HS3ST3B1: variants seen among roughly 807,000 people sequenced by gnomAD.
HS3ST3B1 encodes the protein heparan sulfate-glucosamine 3-sulfotransferase 3B1.
HS3ST3B1 carries 13 observed loss-of-function variants against 21.3 expected under a neutral mutation model. The ratio of observed to expected loss-of-function variants is 0.61; its 90% CI spans 0.40 to 0.97. HS3ST3B1 has a LOEUF of 0.97. Among genes scored for constraint, HS3ST3B1 ranks in the 50% least tolerant of loss-of-function variants. HS3ST3B1 has a pLI of 0.00. For missense variants in HS3ST3B1, 459 were observed against 554.8 expected (o/e 0.83, Z 1.73); for synonymous variants, 234 against 254.8 (o/e 0.92, Z 0.78).
At chr17:14,330,437 C>T (rs2142343846) in intron 1 of HS3ST3B1, among the ~76,000 whole-genome samples, 1 of 152,210 alleles carries the variant, frequency 6.6e-6, no homozygotes, top group African/African-American at 2.4e-5. Flanking sequence ...TACCTGTTGT[C>T]TGTGGCAGGG....
chr17:14,334,156 A>G (rs1283819314), intron 1 of HS3ST3B1, among the ~76,000 whole-genome samples: 1 of 152,218 alleles, frequency 6.6e-6, no homozygotes, highest in Non-Finnish European at 1.5e-5. Flanking sequence ...AAAATGGGAC[A>G]TTGCAGAGGC....
At chr17:14,313,427 T>C (rs1909395525) in intron 1 of HS3ST3B1, among the ~76,000 whole-genome samples, 1 of 152,074 alleles carries the variant, frequency 6.6e-6, no homozygotes, top group African/African-American at 2.4e-5. Context: ...GGACCTCCTC[T>C]TGCTCGAAGC....
At chr17:14,315,649 C>G (rs1220304804) in intron 1 of HS3ST3B1, among the ~76,000 whole-genome samples, 3 of 151,886 alleles carry the variant, frequency 2.0e-5, no homozygotes, top group Admixed American at 6.6e-5. Context: ...GTGGTGAAAC[C>G]CTGTTTCTGC....
chr17:14,307,912 G>T (rs1021825774), intron 1 of HS3ST3B1, among the ~76,000 whole-genome samples: 1 of 152,150 alleles, frequency 6.6e-6, no homozygotes, highest in African/African-American at 2.4e-5. Flanking sequence ...AGGCTGTTGG[G>T]ATAGTCAGGA....
chr17:14,314,049 G>A (rs951192955), intron 1 of HS3ST3B1, among the ~76,000 whole-genome samples: 9 of 149,404 alleles, frequency 6.0e-5, no homozygotes, highest in East Asian at 2.0e-4. Flanking sequence ...GCACGATCTC[G>A]GCTCACCGCA....
In HS3ST3B1 at chr17:14,303,636, A is replaced by G. The variant is rs2142320825; in HGVS notation, c.554+1564A>G. ...AGTGGGAATAATGCAGGTTCTGGGCAGGGATGGGAAGAGTGAATGCGCTGG... is the reference window on the plus strand; with the variant it reads ...AGTGGGAATAATGCAGGTTCTGGGCGGGGATGGGAAGAGTGAATGCGCTGG... On this transcript the variant is annotated intron_variant, in intron 1 of 1. Coordinates refer to ENST00000360954, the MANE Select transcript of HS3ST3B1 (RefSeq NM_006041.3). This position sits in a 1 kb window ranked among gnomAD's most constrained non-coding sequence, Gnocchi z 5.7. Among the ~76,000 whole-genome samples, 1 of 152,302 alleles carries G rather than the reference A, an allele frequency of 6.6e-6. No homozygotes were observed. Among genetic ancestry groups the G allele is most frequent in the South Asian group, 2.1e-4 (1 of 4,818 alleles).
At chr17:14,323,447 C>T (rs1909717266) in intron 1 of HS3ST3B1, among the ~76,000 whole-genome samples, 1 of 152,136 alleles carries the variant, frequency 6.6e-6, no homozygotes, top group Non-Finnish European at 1.5e-5. Context: ...AAAGGGGATC[C>T]TTTTTAAAAG....
In HS3ST3B1 at chr17:14,303,188, G is replaced by T. The variant is rs1441782897; in HGVS notation, c.554+1116G>T. 1.3e-5 allele frequency among the ~76,000 whole-genome samples: 2 copies of T among 152,200 alleles called. No homozygotes were observed. Among genetic ancestry groups the T allele is most frequent in the African/African-American group, 2.4e-5 (1 of 41,518 alleles). On this transcript the variant is annotated intron_variant, in intron 1 of 1. Transcript: ENST00000360954. The surrounding 1 kb of genome is among the most constrained non-coding windows in gnomAD (Gnocchi z 5.7). ...TAACGACCCCCACATTTTCGTTGGG[G>T]TCTCCACCCGTAACCCCAGCCAGCA...
rs915237638 is a variant in HS3ST3B1 at position 14,347,684 on chromosome 17, G to C, written c.*2038G>C. The C allele has an allele frequency of 1.3e-4, 20 of 152,182 alleles. No homozygotes were observed. The highest frequency in any genetic ancestry group is 4.6e-4 in the African/African-American group (19 of 41,448). The allele number at this position is 152,182 out of a possible 1,614,324, so 9.4% of individuals were successfully genotyped here. On this transcript the variant is annotated 3_prime_UTR_variant, in exon 2 of 2. Transcript: ENST00000360954. Reference sequence around the variant, plus strand: ...AAATCCAGTATGTATTTGCCCAAAAGTTTTAGCCTACATCTAGCTAGCTTA... The same window carrying C: ...AAATCCAGTATGTATTTGCCCAAAACTTTTAGCCTACATCTAGCTAGCTTA...
chr17:14,318,939 T>A (rs1014298057), intron 1 of HS3ST3B1, among the ~76,000 whole-genome samples: 1 of 152,218 alleles, frequency 6.6e-6, no homozygotes, highest in African/African-American at 2.4e-5. Context: ...AGGACTTTGA[T>A]GGAAGCCACC....
intron 1 of HS3ST3B1, among the ~76,000 whole-genome samples, chr17:14,335,962 A>G (rs1025179632): frequency 3.3e-5 from 5 of 152,232 alleles, no homozygotes; most frequent in African/African-American, 1.2e-4. Context: ...GATTTTTACT[A>G]TATCTAAGTT....
Position 14,345,850 on chromosome 17 carries a change from C to T in HS3ST3B1, c.*204C>T, listed in dbSNP as rs3785655. The T allele has an allele frequency of 0.59, 368,361 of 619,588 alleles. 116,332 individuals carry two copies. The highest frequency in any genetic ancestry group is 0.66 in the Non-Finnish European group (255,773 of 389,970). 38.4% of individuals were successfully genotyped at this position (619,588 alleles called of 1,614,324 possible). A position where few individuals can be genotyped will look rare whatever the true frequency, so the allele number is the denominator to read the frequency against. ...AAGTGTTTAACTCTAGTATTTCGTT[C>T]TCTTCTTCACAATTGATGGTGCTTC... On this transcript the variant is annotated 3_prime_UTR_variant, in exon 2 of 2. Transcript: ENST00000360954.
chr17:14,301,974 G>A lies in HS3ST3B1; in HGVS notation c.456G>A (p.Ala152=). Residue 152 remains alanine, a synonymous_variant, in exon 1 of 2, where the codon GCG becomes GCA. Coordinates refer to ENST00000360954, the MANE Select transcript of HS3ST3B1 (RefSeq NM_006041.3). ...GCGTGAAGAAGGGCGGCACGCGGGC[G>A]CTGCTGGAGTTTCTGCGCGTGCACC... ...IIGVKKGGTR[A]LLEFLRVHPD... 6.2e-7 allele frequency: 1 copy of A among 1,608,752 alleles called. No individual in the cohort carries two copies. Among genetic ancestry groups the A allele is most frequent in the Non-Finnish European group, 8.5e-7 (1 of 1,178,364 alleles).
At chr17:14,332,418 T>C (rs1227939689) in intron 1 of HS3ST3B1, among the ~76,000 whole-genome samples, 1 of 151,952 alleles carries the variant, frequency 6.6e-6, no homozygotes, top group African/African-American at 2.4e-5. Context: ...GCCAGCGTCT[T>C]CCACCTCTAG....
At chr17:14,328,862 A>G (rs1323875027) in intron 1 of HS3ST3B1, 1 of 152,198 alleles carries the variant, frequency 6.6e-6, no homozygotes. Context: ...AATGCAAAAA[A>G]AGAGAGAGCA....
intron 1 of HS3ST3B1, chr17:14,329,581 G>T (rs1217048764): frequency 1.3e-5 from 2 of 151,918 alleles, no homozygotes; most frequent in Non-Finnish European, 2.9e-5. Context: ...GAAAAGAAAA[G>T]AAAGAGCTTG....
intron 1 of HS3ST3B1, among the ~76,000 whole-genome samples, chr17:14,320,459 C>A (rs561287718): frequency 5.9e-5 from 9 of 152,222 alleles, no homozygotes; most frequent in African/African-American, 1.9e-4. Context: ...AAGAGAGTGA[C>A]CGCATGAGGG....
At position 14,339,697 on chromosome 17, in the gene HS3ST3B1, A is replaced by G. The variant is rs189873473; in HGVS notation, c.555-5331A>G. The stretch of plus-strand genomic sequence containing the variant: ...AGCTCCAGGGCGCTATATAATTATG[A>G]GCTCTGACTATCCCTTTGAGAAACT... On this transcript the variant is annotated intron_variant, in intron 1 of 1. Transcript: ENST00000360954. Among the ~76,000 whole-genome samples, 172 of 152,312 alleles carry G rather than the reference A, an allele frequency of 1.1e-3. 1 individual carries two copies. Among genetic ancestry groups the G allele is most frequent in the African/African-American group, 3.5e-3 (146 of 41,560 alleles).
chr17:14,301,172 G>A lies in HS3ST3B1; in HGVS notation c.-347G>A. ...CAAGGAGGCAGCCCCGGCGTGCGGC[G>A]GTGCGCACAGTCTAGAGTGGCCAGG... is the stretch of plus-strand genomic sequence containing the variant. On this transcript the variant is annotated 5_prime_UTR_variant, in exon 1 of 2. Transcript: ENST00000360954. 1 of 285,586 alleles carries A rather than the reference G, an allele frequency of 3.5e-6. No individual in the cohort carries two copies. Among genetic ancestry groups the A allele is most frequent in the Non-Finnish European group, 6.5e-6 (1 of 154,712 alleles). The allele number at this position is 285,586 out of a possible 1,614,324, so 17.7% of individuals were successfully genotyped here. A position where few individuals can be genotyped will look rare whatever the true frequency, so the allele number is the denominator to read the frequency against.
Sources: gnomAD v4.1 joint callset for allele counts (sites outside exome capture counted in the v4.1 genomes callset) on GRCh38, gnomAD v4.1.1 for gene constraint, Gnocchi (gnomAD v3.1) non-coding constraint, MANE v1.5 for transcripts, NCBI Gene and HGNC (gene_info 2026-07-23, HGNC 2026-07-21) for gene names.